SLC6A3: variants seen among roughly 807,000 people sequenced by gnomAD.
The protein encoded by SLC6A3 is solute carrier family 6 member 3.
SLC6A3 carries 19 observed loss-of-function variants against 70.4 expected under a neutral mutation model. That is an observed-to-expected ratio of 0.27 (90% CI 0.19 to 0.40). The LOEUF is 0.40. Among genes scored for constraint, SLC6A3 ranks in the 10% least tolerant of loss-of-function variants. SLC6A3 has a pLI of 1.00. For missense variants in SLC6A3, 613 were observed against 838.5 expected (o/e 0.73, Z 3.32); for synonymous variants, 368 against 356.6 (o/e 1.03, Z -0.36).
intron 4 of SLC6A3, among the ~76,000 whole-genome samples, chr5:1,428,900 C>G (rs1409001434): frequency 6.6e-6 from 1 of 152,252 alleles, no homozygotes; most frequent in South Asian, 2.1e-4. Context: ...CAGATCTACT[C>G]TTGCTAACAT....
rs1755932513 is a variant in SLC6A3, at chr5:1,404,821, A to G, written c.1599+1367T>C. Among the ~76,000 whole-genome samples the G allele has an allele frequency of 6.6e-6, 1 of 152,268 alleles. No homozygotes were observed. The highest frequency in any genetic ancestry group is 1.5e-5 in the Non-Finnish European group (1 of 68,044). ...CCTGTTTCGTATAGTTTGTAGTTTT[A>G]TCTAAAAGTCTACGAAGTGTGTTTC... On this transcript the variant is annotated intron_variant, in intron 12 of 14. Coordinates refer to ENST00000270349, the MANE Select transcript of SLC6A3 (RefSeq NM_001044.5). This position sits in a 1 kb window ranked among gnomAD's most constrained non-coding sequence, Gnocchi z 5.2.
rs1365453998 is a variant in SLC6A3 at position 1,394,944 on chromosome 5, C to T, written c.1840-186G>A. 6.6e-6 allele frequency among the ~76,000 whole-genome samples: 1 copy of T among 152,170 alleles called. No individual in the cohort carries two copies. Among genetic ancestry groups the T allele is most frequent in the South Asian group, 2.1e-4 (1 of 4,830 alleles). On this transcript the variant is annotated intron_variant, in intron 14 of 14. Transcript: ENST00000270349. This position sits in a 1 kb window ranked among gnomAD's most constrained non-coding sequence, Gnocchi z 4.7. ...ACACCCTTGACAGGTGCCGGGGATC[C>T]GATGCCTCACTCAAACTCCTACAAA...
chr5:1,393,358 T>C lies in SLC6A3; in HGVS notation c.*1377A>G, dbSNP rs1755626731. 1 of 152,540 alleles carries C rather than the reference T, an allele frequency of 6.6e-6. No homozygotes were observed. The allele number at this position is 152,540 out of a possible 1,614,324, so 9.4% of individuals were successfully genotyped here. On this transcript the variant is annotated 3_prime_UTR_variant, in exon 15 of 15. Transcript: ENST00000270349. ...TCCTTCACTCAGTATTGCTAATTAT[T>C]CTTGTAAACAAAAACTGCAATATCA...
rs1222739654 is a variant in SLC6A3 at position 1,397,492 on chromosome 5, T to C, written c.1840-2734A>G. ...AAACCCAGGTCCCGACACTCCGCAG[T>C]GAACCCGAGACACCGAAAGCAGAAG... On this transcript the variant is annotated intron_variant, in intron 14 of 14. Coordinates refer to ENST00000270349, the MANE Select transcript of SLC6A3 (RefSeq NM_001044.5). The surrounding 1 kb of genome is among the most constrained non-coding windows in gnomAD (Gnocchi z 4.7). 3.3e-5 allele frequency among the ~76,000 whole-genome samples: 5 copies of C among 152,080 alleles called. No homozygotes were observed. In the East Asian group the frequency reaches 9.6e-4, roughly 29 times the overall value.
rs758443122 is a variant in SLC6A3, at chr5:1,432,519, C to G, written c.598G>C (p.Asp200His). 1.2e-5 allele frequency: 19 copies of G among 1,614,240 alleles called. No homozygotes were observed. The highest frequency in any genetic ancestry group is 1.6e-5 in the Non-Finnish European group (19 of 1,180,038). Residue 200 changes from aspartate to histidine, a missense_variant, in exon 4 of 15, where the codon GAC becomes CAC. Physicochemically the swap from Asp to His is moderately conservative, Grantham distance 81. Transcript: ENST00000270349. ...AAAGTGTCGTTGAGGCCCGAGCTGT[C>G]TCCACTGGAGTCACCAGGATGGGCA... ...SDAHPGDSSG[D>H]SSGLNDTFGT...
rs1033550919 is a variant in SLC6A3, at chr5:1,401,122, G to A, written c.1768-136C>T. On this transcript the variant is annotated intron_variant, in intron 13 of 14. Coordinates refer to ENST00000270349, the MANE Select transcript of SLC6A3 (RefSeq NM_001044.5). This position sits in a 1 kb window ranked among gnomAD's most constrained non-coding sequence, Gnocchi z 6.1. ...CCTCCTCACCTGCCAATGCCCACCC[G>A]CTGGCATCCATATCACCAGCGCCCA... is the stretch of plus-strand genomic sequence containing the variant. The A allele has an allele frequency of 1.7e-5, 12 of 725,534 alleles. No homozygotes were observed. Among genetic ancestry groups the A allele is most frequent in the African/African-American group, 3.5e-5 (2 of 57,522 alleles). The allele number at this position is 725,534 out of a possible 1,614,324, so 44.9% of individuals were successfully genotyped here.
Position 1,435,703 on chromosome 5 carries a change from T to A in SLC6A3, c.419-3005A>T, listed in dbSNP as rs184525611. ...GAGGATGCTTCCCTGGGCACCTGGG[T>A]GAGGAAATGGCTCCCTTGAACAGTG... On this transcript the variant is annotated intron_variant, in intron 3 of 14. Coordinates refer to ENST00000270349, the MANE Select transcript of SLC6A3 (RefSeq NM_001044.5). 1.8e-3 allele frequency among the ~76,000 whole-genome samples: 276 copies of A among 151,780 alleles called. 3 individuals carry two copies. Among genetic ancestry groups the A allele is most frequent in the African/African-American group, 6.5e-3 (269 of 41,112 alleles).
In SLC6A3 at chr5:1,438,297, C is replaced by A. The variant is rs779629197; in HGVS notation, c.418+3062G>T. 6.6e-6 allele frequency among the ~76,000 whole-genome samples: 1 copy of A among 152,270 alleles called. No homozygotes were observed. The highest frequency in any genetic ancestry group is 2.4e-5 in the African/African-American group (1 of 41,472). ...CCTGCGGCCACACTTTGCAGCCCTC[C>A]TCTGGGACTAGTCTTCAGAACGAAG... On this transcript the variant is annotated intron_variant, in intron 3 of 14. Coordinates refer to ENST00000270349, the MANE Select transcript of SLC6A3 (RefSeq NM_001044.5). The surrounding 1 kb of genome is among the most constrained non-coding windows in gnomAD (Gnocchi z 6.5).
chr5:1,414,544 C>A, intron 8 of SLC6A3, 147 bp downstream of exon 8: 1 of 948,344 alleles, frequency 1.1e-6, no homozygotes, highest in Non-Finnish European at 1.6e-6. Context: ...ATGTGTACCA[C>A]CATCCTTCAA....
At chr5:1,425,410 T>C (rs1756555207) in intron 4 of SLC6A3, among the ~76,000 whole-genome samples, 1 of 152,238 alleles carries the variant, frequency 6.6e-6, no homozygotes, top group South Asian at 2.1e-4. Flanking sequence ...TACCCATTAG[T>C]ATAAAACTCA....
In SLC6A3 at chr5:1,431,425, C is replaced by T. The variant is rs461854; in HGVS notation, c.653+1039G>A. Among the ~76,000 whole-genome samples the T allele has an allele frequency of 9.9e-3, 1,368 of 138,784 alleles. 20 individuals carry two copies. Among genetic ancestry groups the T allele is most frequent in the African/African-American group, 0.035 (1,304 of 36,962 alleles). 91.0% of individuals were successfully genotyped at this position (138,784 alleles called of 152,430 possible). On this transcript the variant is annotated intron_variant, in intron 4 of 14. Coordinates refer to ENST00000270349, the MANE Select transcript of SLC6A3 (RefSeq NM_001044.5). The stretch of plus-strand genomic sequence containing the variant: ...ACGGGCCTGGATGGGGTGGACTGTG[C>T]GGGTTGGGGCTGGTCGGGGTGGACT...
intron 10 of SLC6A3, 82 bp from the exon 11 acceptor site, chr5:1,409,207 A>G: frequency 2.9e-6 from 3 of 1,042,046 alleles, no homozygotes; most frequent in Non-Finnish European, 4.4e-6. Flanking sequence ...TGTGCACACA[A>G]ATTGTTTCAC....
In SLC6A3 at chr5:1,402,587, C is replaced by T. The variant is rs892664897; in HGVS notation, c.1767+335G>A. Among the ~76,000 whole-genome samples the T allele has an allele frequency of 1.3e-5, 2 of 152,192 alleles. No homozygotes were observed. The highest frequency in any genetic ancestry group is 1.5e-5 in the Non-Finnish European group (1 of 68,038). On this transcript the variant is annotated intron_variant, in intron 13 of 14. Transcript: ENST00000270349. This position sits in a 1 kb window ranked among gnomAD's most constrained non-coding sequence, Gnocchi z 8.5. ...GAGCACAGACCCAGGCCCACACACACGTGCACACGGAGACAGCACATACAG... is the reference window on the plus strand; with the variant it reads ...GAGCACAGACCCAGGCCCACACACATGTGCACACGGAGACAGCACATACAG...
At chr5:1,416,271 C>A in intron 6 of SLC6A3, 70 bp from the exon 7 acceptor site, 1 of 1,108,820 alleles carries the variant, frequency 9.0e-7, no homozygotes, top group Non-Finnish European at 1.4e-6. Flanking sequence ...ACCTGAGCAC[C>A]CTTCCTGTCC....
Position 1,443,383 on chromosome 5 carries a change from G to A in SLC6A3, c.-45-141C>T, listed in dbSNP as rs2455391. The A allele has an allele frequency of 0.23, 161,299 of 699,060 alleles. 20,455 individuals are homozygous for A. Among genetic ancestry groups the A allele is most frequent in the South Asian group, 0.29 (17,863 of 60,920 alleles). The allele number at this position is 699,060 out of a possible 1,614,324, so 43.3% of individuals were successfully genotyped here. On this transcript the variant is annotated intron_variant, in intron 1 of 14. Transcript: ENST00000270349. Reference sequence around the variant, plus strand: ...GGGAAGGGATGGGTGCGTTCTCAGCGCCTGAGATGGTACAGCTGGGGCACG... The same window carrying A: ...GGGAAGGGATGGGTGCGTTCTCAGCACCTGAGATGGTACAGCTGGGGCACG...
In SLC6A3 at chr5:1,442,865, G is replaced by T; in HGVS notation, c.286+47C>A. On this transcript the variant is annotated intron_variant, in intron 2 of 14. Transcript: ENST00000270349. This position sits in a 1 kb window ranked among gnomAD's most constrained non-coding sequence, Gnocchi z 5.0. ...GTGCCTTGGCCCCGGCTGCCCCTAC[G>T]ACCCCCGCCCGGCCAGCATGCTCAG... 2 of 1,607,672 alleles carry T rather than the reference G, an allele frequency of 1.2e-6. No homozygotes were observed. Among genetic ancestry groups the T allele is most frequent in the South Asian group, 1.1e-5 (1 of 90,958 alleles).
Position 1,394,577 on chromosome 5 carries a change from A to G in SLC6A3, c.*158T>C. The G allele has an allele frequency of 1.3e-6, 1 of 786,040 alleles. No individual in the cohort carries two copies. Among genetic ancestry groups the G allele is most frequent in the South Asian group, 1.4e-5 (1 of 71,810 alleles). 48.7% of individuals were successfully genotyped at this position (786,040 alleles called of 1,614,324 possible). On this transcript the variant is annotated 3_prime_UTR_variant, in exon 15 of 15. Transcript: ENST00000270349. This position sits in a 1 kb window ranked among gnomAD's most constrained non-coding sequence, Gnocchi z 4.7. ...GCTCCCGGCACGGAAAGGTGTAAACAGTCAGAAGAGAGGAGTCTTCTGCTT... is the reference window on the plus strand; with the variant it reads ...GCTCCCGGCACGGAAAGGTGTAAACGGTCAGAAGAGAGGAGTCTTCTGCTT...
chr5:1,408,585 A>AGCACAATGGGCCAGGG lies in SLC6A3; in HGVS notation c.1498+440_1498+441insCCCTGGCCCATTGTGC. Among the ~76,000 whole-genome samples the AGCACAATGGGCCAGGG allele has an allele frequency of 6.6e-6, 1 of 152,294 alleles. No homozygotes were observed. The highest frequency in any genetic ancestry group is 2.4e-5 in the African/African-American group (1 of 41,558). ...AGCTGGGGCAGCACAATGGGCCAGG[A>AGCACAATGGGCCAGGG]GCTGCACCCCGTTCGAGCGCCGCCC... On this transcript the variant is annotated intron_variant, in intron 11 of 14. Coordinates refer to ENST00000270349, the MANE Select transcript of SLC6A3 (RefSeq NM_001044.5). This position sits in a 1 kb window ranked among gnomAD's most constrained non-coding sequence, Gnocchi z 6.4.
Position 1,414,712 on chromosome 5 carries a change from T to C in SLC6A3, c.1135A>G (p.Ile379Val), listed in dbSNP as rs1169019720. 3 of 1,612,588 alleles carry C rather than the reference T, an allele frequency of 1.9e-6. No homozygotes were observed. Among genetic ancestry groups the C allele is most frequent in the Non-Finnish European group, 2.5e-6 (3 of 1,179,822 alleles). The change falls in exon 8 of 15, where the codon ATC (isoleucine) becomes GTC (valine). Residue 379 changes from isoleucine (I) to valine (V), a missense_variant. Around this residue, in one of 4 missense-constraint regions of SLC6A3, gnomAD observed 348 missense variants for 481.2 expected, o/e 0.72. Coordinates refer to ENST00000270349, the MANE Select transcript of SLC6A3 (RefSeq NM_001044.5). The stretch of plus-strand genomic sequence containing the variant: ...TCACCGTCCTTGGCCACGTCCCCGA[T>C]GGGCACACTGTGCTTCTGTGCCATG... ...GYMAQKHSVP[I>V]GDVAKDGPGL...
Sources: gnomAD v4.1 joint callset for allele counts (sites outside exome capture counted in the v4.1 genomes callset) on GRCh38, gnomAD v4.1.1 for gene constraint, gnomAD v4.1.1 regional missense constraint, Gnocchi (gnomAD v3.1) non-coding constraint, MANE v1.5 for transcripts, NCBI Gene and HGNC (gene_info 2026-07-23, HGNC 2026-07-21) for gene names.